Variants in RNF168 observed in about 807,000 individuals in gnomAD.
The protein encoded by RNF168 is ring finger protein 168.
In RNF168, 34 loss-of-function variants were observed where a neutral mutation model predicts 34.9. The ratio of observed to expected loss-of-function variants is 0.97; its 90% CI spans 0.74 to 1.30. The LOEUF is 1.30. RNF168 is among the 50% of genes most tolerant of loss of function. RNF168 has a pLI of 0.00. For synonymous variants in RNF168, 264 were observed against 254.7 expected (o/e 1.04, Z -0.35); for missense variants, 725 against 682.5 (o/e 1.06, Z -0.69).
intron 4 of RNF168, among the ~76,000 whole-genome samples, chr3:196,481,264 C>A (rs1284829315): frequency 6.6e-6 from 1 of 152,072 alleles, no homozygotes; most frequent in Non-Finnish European, 1.5e-5. Context: ...GCCACCCTTG[C>A]GTATTCCTGA....
At chr3:196,489,333 T>TG (rs1732536406) in intron 1 of RNF168, among the ~76,000 whole-genome samples, 1 of 119,886 alleles carries the variant, frequency 8.3e-6, no homozygotes, top group African/African-American at 5.2e-5. Flanking sequence ...AAAAAAAATG[T>TG]TTTTTTTTTT....
At chr3:196,498,532 C>T (rs1732801359) in intron 1 of RNF168, among the ~76,000 whole-genome samples, 1 of 152,156 alleles carries the variant, frequency 6.6e-6, no homozygotes, top group African/African-American at 2.4e-5. Flanking sequence ...CATAAGGCCA[C>T]ACATACACAC....
rs780055047 is a variant in RNF168 at position 196,472,518 on chromosome 3, G to A, written c.1017C>T (p.Tyr339=). 1.1e-5 allele frequency: 18 copies of A among 1,614,182 alleles called. No individual in the cohort carries two copies. The highest frequency in any genetic ancestry group is 1.5e-5 in the Non-Finnish European group (18 of 1,180,016). The change falls in exon 6 of 6, where the codon TAC becomes TAT. Residue 339 remains tyrosine, a synonymous_variant. Coordinates refer to ENST00000318037, the MANE Select transcript of RNF168 (RefSeq NM_152617.4). ...AAGGCATAACTGCAGTTTCTTTCGA[G>A]TAGGGAACTCTGGTTTTAGGTCGCT... The part of the protein sequence containing the change: ...SHERPKTRVP[Y]SKETAVMPCG...
intron 1 of RNF168, among the ~76,000 whole-genome samples, chr3:196,498,505 CA>C (rs919689831): frequency 2.6e-5 from 4 of 151,772 alleles, no homozygotes; most frequent in African/African-American, 9.7e-5. Context: ...AGTATTTAAC[CA>C]AAAAAACCCT....
rs151294912 is a variant in RNF168 at position 196,495,522 on chromosome 3, C to T, written c.302-6839G>A. 6.3e-3 allele frequency among the ~76,000 whole-genome samples: 957 copies of T among 152,286 alleles called. 15 individuals are homozygous for T. Among genetic ancestry groups the T allele is most frequent in the Non-Finnish European group, 8.5e-3 (580 of 68,020 alleles). On this transcript the variant is annotated intron_variant, in intron 1 of 5. Transcript: ENST00000318037. Reference sequence around the variant, plus strand: ...ACTGACATTTTTGAGGTACTAACAACTACGTTTTGTAGAATTTCAATTTGG... The same window carrying T: ...ACTGACATTTTTGAGGTACTAACAATTACGTTTTGTAGAATTTCAATTTGG...
At position 196,477,107 on chromosome 3, in the gene RNF168, C is replaced by T. The variant is rs190975562; in HGVS notation, c.681-1795G>A. 1.4e-3 allele frequency among the ~76,000 whole-genome samples: 218 copies of T among 152,184 alleles called. 1 individual carries two copies. The highest frequency in any genetic ancestry group is 5.1e-3 in the African/African-American group (211 of 41,522). On this transcript the variant is annotated intron_variant, in intron 4 of 5. Transcript: ENST00000318037. ...AGGCTGTTTGCCACTGAAAACACTA[C>T]GGTTTTAATAGAATGGAAAATGTTA...
At chr3:196,489,417 C>A (rs188765605) in intron 1 of RNF168, among the ~76,000 whole-genome samples, 54 of 151,912 alleles carry the variant, frequency 3.6e-4, no homozygotes, top group Non-Finnish European at 7.5e-4. Flanking sequence ...ACCTCCGCCT[C>A]CCGGGTTCAA....
chr3:196,472,230 T>C lies in RNF168; in HGVS notation c.1305A>G (p.Leu435=). ...FTQKLIDLEH[L]LFERHKQEEQ... ...CTTCTTGTTTATGTCTCTCAAACAG[T>C]AGATGCTCCAAATCTATCAGTTTTT... is the stretch of plus-strand genomic sequence containing the variant. The change falls in exon 6 of 6, where the codon CTA becomes CTG. Residue 435 remains leucine (L), a synonymous_variant. Transcript: ENST00000318037. The C allele has an allele frequency of 6.2e-7, 1 of 1,614,100 alleles. No individual in the cohort carries two copies. The highest frequency in any genetic ancestry group is 8.5e-7 in the Non-Finnish European group (1 of 1,179,942).
At position 196,498,213 on chromosome 3, in the gene RNF168, AGT is replaced by A. The variant is rs372688888; in HGVS notation, c.301+4658_301+4659del. The stretch of plus-strand genomic sequence containing the variant: ...CACTCTGTCACCGAGGCTAGAGTGC[AGT>A]GGCGCGATCTAGGCTCACTGCAACC... On this transcript the variant is annotated intron_variant, in intron 1 of 5. Transcript: ENST00000318037. 4.7e-4 allele frequency among the ~76,000 whole-genome samples: 72 copies of A among 152,290 alleles called. No homozygotes were observed. The East Asian group carries it at 0.012, about 24-fold the overall frequency.
At position 196,487,445 on chromosome 3, in the gene RNF168, T is replaced by A; in HGVS notation, c.512A>T (p.Gln171Leu). 6.2e-7 allele frequency: 1 copy of A among 1,614,244 alleles called. No homozygotes were observed. The change falls in exon 3 of 6, where the codon CAA becomes CTA. Residue 171 changes from glutamine to leucine, a missense_variant. Coordinates refer to ENST00000318037, the MANE Select transcript of RNF168 (RefSeq NM_152617.4). ...TGCCAGTTCCTCATCACTTTTCAGTTGTTCTTCCATCGCTCTTCGCCTTTT... is the reference window on the plus strand; with the variant it reads ...TGCCAGTTCCTCATCACTTTTCAGTAGTTCTTCCATCGCTCTTCGCCTTTT... Reference protein sequence around the residue: ...AEKRRRAMEEQLKSDEELARK... With the variant: ...AEKRRRAMEELLKSDEELARK...
Position 196,494,854 on chromosome 3 carries a change from C to T in RNF168, c.302-6171G>A, listed in dbSNP as rs916714526. The stretch of plus-strand genomic sequence containing the variant: ...CCTCGGTAACATAGTGAGACCCTAT[C>T]TCTACAAAAAATAAAAAAATTAGCC... On this transcript the variant is annotated intron_variant, in intron 1 of 5. Coordinates refer to ENST00000318037, the MANE Select transcript of RNF168 (RefSeq NM_152617.4). Among the ~76,000 whole-genome samples, 3 of 152,068 alleles carry T rather than the reference C, an allele frequency of 2.0e-5. 1 individual carries two copies. The South Asian group carries it at 6.2e-4, about 32-fold the overall frequency.
In RNF168 at chr3:196,471,047, G is replaced by A. The variant is rs1453389111; in HGVS notation, c.*772C>T. On this transcript the variant is annotated 3_prime_UTR_variant, in exon 6 of 6. Transcript: ENST00000318037. ...ACAAAAAAAAAAAAAAATTAGCTGG[G>A]TAGCTGGGTGTAGTGGCACATGCCT... 6.6e-6 allele frequency: 1 copy of A among 151,306 alleles called. No individual in the cohort carries two copies. The highest frequency in any genetic ancestry group is 1.5e-5 in the Non-Finnish European group (1 of 67,890). The allele number at this position is 151,306 out of a possible 1,614,324, so 9.4% of individuals were successfully genotyped here.
chr3:196,501,051 A>G (rs1426985268), intron 1 of RNF168, among the ~76,000 whole-genome samples: 1 of 152,216 alleles, frequency 6.6e-6, no homozygotes, highest in Non-Finnish European at 1.5e-5. Context: ...ACCAGTTCAC[A>G]TGTACTAGCA....
At chr3:196,495,929 C>T (rs977523200) in intron 1 of RNF168, among the ~76,000 whole-genome samples, 2 of 152,158 alleles carry the variant, frequency 1.3e-5, no homozygotes, top group Admixed American at 1.3e-4. Flanking sequence ...CTCCGTCACA[C>T]TAATTCACTT....
chr3:196,487,590 T>A lies in RNF168; in HGVS notation c.379-12A>T. The A allele has an allele frequency of 3.7e-6, 6 of 1,613,396 alleles. No individual in the cohort carries two copies. The highest frequency in any genetic ancestry group is 5.1e-6 in the Non-Finnish European group (6 of 1,179,348). ...CGCTCTGCCGCCACCTTAAAAGTGA[T>A]TAATAAAGAGCAATCCTTCTCTGAA... is the stretch of plus-strand genomic sequence containing the variant. On this transcript the variant is annotated splice_polypyrimidine_tract_variant and intron_variant, in intron 2 of 5. Coordinates refer to ENST00000318037, the MANE Select transcript of RNF168 (RefSeq NM_152617.4).
In RNF168 at chr3:196,496,867, G is replaced by A. The variant is rs149530276; in HGVS notation, c.301+6006C>T. 8.0e-4 allele frequency among the ~76,000 whole-genome samples: 122 copies of A among 152,260 alleles called. 1 individual carries two copies. In the East Asian group the frequency reaches 0.017, roughly 21 times the overall value. The stretch of plus-strand genomic sequence containing the variant: ...TACAAAGAATAAATATACGGAGGAC[G>A]GGCACGATGGCTCACGCCTGTAATC... On this transcript the variant is annotated intron_variant, in intron 1 of 5. Transcript: ENST00000318037.
At position 196,483,791 on chromosome 3, in the gene RNF168, CTTTG is replaced by C. The variant is rs780973141; in HGVS notation, c.655_658del (p.Gln219GlufsTer10). ...TTACTTCTGAATATCTCCAGTGTTT[CTTTG>C]TTTGTTCTTACTTTTCTTTTCAGAC... On this transcript the variant is annotated frameshift_variant, in exon 4 of 6. Coordinates refer to ENST00000318037, the MANE Select transcript of RNF168 (RefSeq NM_152617.4). LOFTEE classifies it high-confidence loss of function. 5 of 1,611,562 alleles carry C rather than the reference CTTTG, an allele frequency of 3.1e-6. No homozygotes were observed. In the East Asian group the frequency reaches 8.9e-5, roughly 29 times the overall value.
Position 196,472,015 on chromosome 3 carries a change from T to C in RNF168, c.1520A>G (p.His507Arg). Reference sequence around the variant, plus strand: ...CCTTGAGCCTCTCTCTGGTGTTGGATGCTTTGTGTGAGTTTGCCTTTTGAA... The same window carrying C: ...CCTTGAGCCTCTCTCTGGTGTTGGACGCTTTGTGTGAGTTTGCCTTTTGAA... ...GNFKRQTHTK[H>R]PTPERGSRDK... Residue 507 changes from histidine (H) to arginine (R), a missense_variant, in exon 6 of 6, where the codon CAT (histidine) becomes CGT (arginine). By Grantham distance (29) the His-to-Arg change is conservative. Transcript: ENST00000318037. The C allele has an allele frequency of 3.1e-6, 5 of 1,614,176 alleles. No individual in the cohort carries two copies. The highest frequency in any genetic ancestry group is 4.2e-6 in the Non-Finnish European group (5 of 1,180,026).
At chr3:196,485,689 A>G (rs1486850133) in intron 3 of RNF168, among the ~76,000 whole-genome samples, 1 of 152,124 alleles carries the variant, frequency 6.6e-6, no homozygotes, top group East Asian at 1.9e-4. Context: ...ATAACCCAAA[A>G]TTTGGGTACA....
Sources: allele counts gnomAD v4.1 joint callset (sites outside exome capture counted in the v4.1 genomes callset), GRCh38; gene constraint gnomAD v4.1.1; transcripts MANE v1.5; gene names NCBI Gene and HGNC (gene_info 2026-07-23, HGNC 2026-07-21).